Variants in TOP6BL observed in about 807,000 individuals in gnomAD.
TOP6BL encodes type 2 DNA topoisomerase 6 subunit B-like.
At chr11:66,797,082 C>G in the TOP6BL span, among the ~76,000 whole-genome samples, 1 of 151,720 alleles carries the variant, frequency 6.6e-6, no homozygotes, top group African/African-American at 2.4e-5. Flanking sequence ...TCACTGCAAC[C>G]TCTGCCTCCC....
chr11:66,814,133 T>C, the TOP6BL span: 17 of 1,159,224 alleles, frequency 1.5e-5, no homozygotes, highest in Non-Finnish European at 1.9e-5. Context: ...ATGGCCCAGG[T>C]TGGGGTTTGG....
chr11:66,775,006 C>T, the TOP6BL span, among the ~76,000 whole-genome samples: 9 of 148,198 alleles, frequency 6.1e-5, no homozygotes, highest in Admixed American at 1.4e-4. Flanking sequence ...CCAGCTACTC[C>T]GGAAGCTGAA....
chr11:66,804,384 C>T, the TOP6BL span, among the ~76,000 whole-genome samples: 1 of 152,152 alleles, frequency 6.6e-6, no homozygotes, highest in African/African-American at 2.4e-5. Context: ...GTGACACATG[C>T]CATGCGTTTT....
the TOP6BL span, among the ~76,000 whole-genome samples, chr11:66,820,931 G>A: frequency 6.6e-6 from 1 of 152,156 alleles, no homozygotes; most frequent in Non-Finnish European, 1.5e-5. Context: ...TCTAAAAAAA[G>A]GTAATTATTT....
At chr11:66,823,394 A>G in the TOP6BL span, among the ~76,000 whole-genome samples, 4 of 152,008 alleles carry the variant, frequency 2.6e-5, no homozygotes, top group East Asian at 7.7e-4. Flanking sequence ...TATTTGCTCC[A>G]CTGTGATGCT....
chr11:66,759,744 C>T, the TOP6BL span, among the ~76,000 whole-genome samples: 1 of 152,104 alleles, frequency 6.6e-6, no homozygotes, highest in East Asian at 1.9e-4. Context: ...CTGCCACACC[C>T]AGCTAATTTT....
At chr11:66,809,969 C>T in the TOP6BL span, among the ~76,000 whole-genome samples, 1 of 151,952 alleles carries the variant, frequency 6.6e-6, no homozygotes, top group Non-Finnish European at 1.5e-5. Context: ...TCAATGAACC[C>T]TAAGTGTAAG....
At chr11:66,804,660 G>A in the TOP6BL span, among the ~76,000 whole-genome samples, 1 of 152,192 alleles carries the variant, frequency 6.6e-6, no homozygotes, top group Non-Finnish European at 1.5e-5. Context: ...CTTGACGGCT[G>A]GGTGCAGTGG....
At chr11:66,783,013 TAA>T in the TOP6BL span, among the ~76,000 whole-genome samples, 2 of 152,182 alleles carry the variant, frequency 1.3e-5, no homozygotes, top group Middle Eastern at 3.2e-3. Flanking sequence ...GTAAACATTT[TAA>T]GTCTCTCATT....
At chr11:66,820,067 C>T in the TOP6BL span, among the ~76,000 whole-genome samples, 1 of 152,066 alleles carries the variant, frequency 6.6e-6, no homozygotes, top group Non-Finnish European at 1.5e-5. Context: ...CAACAAAACC[C>T]ACAAAACACT....
At chr11:66,776,487 T>A in the TOP6BL span, among the ~76,000 whole-genome samples, 3 of 152,256 alleles carry the variant, frequency 2.0e-5, no homozygotes, top group East Asian at 5.8e-4. Flanking sequence ...AAGGAAGGAT[T>A]ATTTAAAAGT....
At chr11:66,784,789 C>A in the TOP6BL span, among the ~76,000 whole-genome samples, 1 of 152,098 alleles carries the variant, frequency 6.6e-6, no homozygotes, top group South Asian at 2.1e-4. Flanking sequence ...TGGGTTGTTT[C>A]CACTTTTAGC....
chr11:66,759,362 G>C, the TOP6BL span, among the ~76,000 whole-genome samples: 1 of 152,096 alleles, frequency 6.6e-6, no homozygotes, highest in Non-Finnish European at 1.5e-5. Context: ...AAGATACCTA[G>C]ATCACTGTAG....
the TOP6BL span, among the ~76,000 whole-genome samples, chr11:66,829,374 G>A: frequency 2.6e-5 from 4 of 151,888 alleles, no homozygotes; most frequent in South Asian, 2.1e-4. Flanking sequence ...TCAGGAGTTC[G>A]AGACCAGCCT....
the TOP6BL span, among the ~76,000 whole-genome samples, chr11:66,793,455 T>G: frequency 6.8e-6 from 1 of 147,834 alleles, no homozygotes; most frequent in East Asian, 1.9e-4. Context: ...TTTTTTTTTT[T>G]TTTTTTTTTA....
chr11:66,758,848 A>G, the TOP6BL span, among the ~76,000 whole-genome samples: 1 of 152,244 alleles, frequency 6.6e-6, no homozygotes, highest in South Asian at 2.1e-4. Flanking sequence ...TATCTCTAAG[A>G]AGTTATTTTT....
the TOP6BL span, among the ~76,000 whole-genome samples, chr11:66,841,110 ATTTTTTTTTTTT>A: frequency 3.2e-3 from 275 of 84,646 alleles, 1 homozygote; most frequent in African/African-American, 0.013. Flanking sequence ...GAGGCCTCTC[ATTTTTTTTTTTT>A]TTTTTTTTTT....
chr11:66,811,189 A>G, the TOP6BL span, among the ~76,000 whole-genome samples: 1 of 151,738 alleles, frequency 6.6e-6, no homozygotes, highest in Non-Finnish European at 1.5e-5. Context: ...TTTTTTTGAG[A>G]TGGAGTCTCA....
At chr11:66,827,686 C>T in the TOP6BL span, among the ~76,000 whole-genome samples, 1 of 151,878 alleles carries the variant, frequency 6.6e-6, no homozygotes, top group Non-Finnish European at 1.5e-5. Flanking sequence ...GAGAACAGGC[C>T]AGGCGCAGTG....
Sources: gnomAD v4.1 joint callset for allele counts (sites outside exome capture counted in the v4.1 genomes callset) on GRCh38, gnomAD v4.1.1 for gene constraint, MANE v1.5 for transcripts, NCBI Gene and HGNC (gene_info 2026-07-23, HGNC 2026-07-21) for gene names.